Variants in SAMMSON observed in about 807,000 individuals in gnomAD.
The protein encoded by SAMMSON is survival associated mitochondrial melanoma specific oncogenic non-coding RNA.
intron 4 of SAMMSON, among the ~76,000 whole-genome samples, chr3:70,122,238 G>T (rs1375381856): frequency 6.6e-6 from 1 of 152,050 alleles, no homozygotes; most frequent in Non-Finnish European, 1.5e-5. Flanking sequence ...TGTCACCCAG[G>T]CCGGAGTGTA....
intron 2 of SAMMSON, among the ~76,000 whole-genome samples, chr3:70,428,089 GAAATT>G (rs969887307): frequency 9.2e-5 from 14 of 152,192 alleles, no homozygotes; most frequent in African/African-American, 3.1e-4. Flanking sequence ...ACTGCGGAAA[GAAATT>G]AAAGAAAATT....
intron 4 of SAMMSON, among the ~76,000 whole-genome samples, chr3:70,074,379 A>G (rs2067241009): frequency 6.6e-6 from 1 of 152,052 alleles, no homozygotes; most frequent in Non-Finnish European, 1.5e-5. Context: ...ACTTACTTTG[A>G]TTCAAGAGTG....
At chr3:70,344,981 C>T (rs776495077) in intron 7 of SAMMSON, among the ~76,000 whole-genome samples, 15 of 152,118 alleles carry the variant, frequency 9.9e-5, no homozygotes, top group South Asian at 2.1e-4. Flanking sequence ...TGGATGTCAT[C>T]GGTTCTAGAC....
intron 9 of SAMMSON, among the ~76,000 whole-genome samples, chr3:70,379,884 C>T (rs528078488): frequency 1.2e-4 from 18 of 151,688 alleles, no homozygotes; most frequent in Admixed American, 4.6e-4. Context: ...TAAAAATAAA[C>T]GCTAAGAATA....
chr3:70,393,158 A>G (rs1322486251), downstream of SAMMSON, among the ~76,000 whole-genome samples: 3 of 152,176 alleles, frequency 2.0e-5, no homozygotes, highest in Non-Finnish European at 4.4e-5. Context: ...CTTTACTATA[A>G]TATTTTGTGT....
At chr3:70,299,750 A>G (rs559874904) in intron 7 of SAMMSON, among the ~76,000 whole-genome samples, 1 of 152,104 alleles carries the variant, frequency 6.6e-6, no homozygotes, top group South Asian at 2.1e-4. Context: ...CAACTCACAA[A>G]TCTTTTCTAA....
At chr3:70,355,847 C>G (rs1034703353) in intron 8 of SAMMSON, among the ~76,000 whole-genome samples, 1 of 152,112 alleles carries the variant, frequency 6.6e-6, no homozygotes, top group African/African-American at 2.4e-5. Flanking sequence ...GGAACTATTT[C>G]ACTTGTTCCT....
chr3:70,259,882 G>A (rs1165381929), intron 6 of SAMMSON, among the ~76,000 whole-genome samples: 1 of 152,144 alleles, frequency 6.6e-6, no homozygotes, highest in Non-Finnish European at 1.5e-5. Context: ...AGGTGGAGGG[G>A]AAGCAAGGCA....
intron 4 of SAMMSON, among the ~76,000 whole-genome samples, chr3:70,171,602 A>G (rs1700954545): frequency 8.4e-6 from 1 of 119,690 alleles, no homozygotes; most frequent in Non-Finnish European, 1.9e-5. Flanking sequence ...TGTAACTTAA[A>G]AGGCACAGTC....
chr3:70,219,194 A>T (rs538055880), intron 4 of SAMMSON, among the ~76,000 whole-genome samples: 32 of 152,326 alleles, frequency 2.1e-4, no homozygotes, highest in Non-Finnish European at 4.3e-4. Context: ...AAAAACAAGA[A>T]TGCTCACATC....
chr3:70,094,442 T>C (rs1257504598), intron 4 of SAMMSON, among the ~76,000 whole-genome samples: 1 of 152,160 alleles, frequency 6.6e-6, no homozygotes, highest in African/African-American at 2.4e-5. Flanking sequence ...GCTCTTAAGA[T>C]AAAGACAAAA....
At chr3:70,206,850 C>T in intron 4 of SAMMSON, 1 of 396,308 alleles carries the variant, frequency 2.5e-6, no homozygotes, top group Non-Finnish European at 4.5e-6. Flanking sequence ...GACCTAGTGA[C>T]CTAAGAATGC....
chr3:70,075,770 T>C (rs930252446), intron 4 of SAMMSON, among the ~76,000 whole-genome samples: 1 of 152,272 alleles, frequency 6.6e-6, no homozygotes, highest in East Asian at 1.9e-4. Context: ...CGCAGTATAG[T>C]GGATTATGTC....
intron 4 of SAMMSON, among the ~76,000 whole-genome samples, chr3:70,086,208 A>T (rs913743634): frequency 6.6e-6 from 1 of 152,162 alleles, no homozygotes; most frequent in African/African-American, 2.4e-5. Flanking sequence ...CTCAGGGGCC[A>T]TGGCTTGCCT....
chr3:70,116,963 G>A (rs763539373), intron 4 of SAMMSON, among the ~76,000 whole-genome samples: 2 of 152,094 alleles, frequency 1.3e-5, no homozygotes, highest in Non-Finnish European at 2.9e-5. Context: ...TGTTTGACCA[G>A]GTCTGCCTCA....
intron 7 of SAMMSON, among the ~76,000 whole-genome samples, chr3:70,321,356 C>CT (rs1418596188): frequency 6.6e-6 from 1 of 152,004 alleles, no homozygotes; most frequent in African/African-American, 2.4e-5. Context: ...AGTATGTATT[C>CT]TTTTTGCCTA....
intron 4 of SAMMSON, among the ~76,000 whole-genome samples, chr3:70,074,085 C>T (rs1041484758): frequency 6.6e-6 from 1 of 151,772 alleles, no homozygotes; most frequent in African/African-American, 2.4e-5. Context: ...TATACAACAG[C>T]TAAAAAATAG....
chr3:70,085,000 G>A (rs192313254), intron 4 of SAMMSON, among the ~76,000 whole-genome samples: 1 of 152,278 alleles, frequency 6.6e-6, no homozygotes, highest in East Asian at 1.9e-4. Context: ...AAGACTGGGT[G>A]GATGTAGGTG....
chr3:70,094,260 C>G lies in SAMMSON; in HGVS notation n.507+22695C>G, dbSNP rs373077090. Among the ~76,000 whole-genome samples, 36 of 151,936 alleles carry G rather than the reference C, an allele frequency of 2.4e-4. 1 individual carries two copies. In the East Asian group the frequency reaches 3.5e-3, roughly 15 times the overall value. ...CACCACCAGGATCTCATCTAATAGC[C>G]TCATGACATCTGTTCTGAACTCATC... On this transcript the variant is annotated intron_variant and non_coding_transcript_variant, in intron 4 of 9. Coordinates refer to ENST00000642114, the Ensembl canonical transcript of SAMMSON.
Sources: allele counts gnomAD v4.1 joint callset (sites outside exome capture counted in the v4.1 genomes callset), GRCh38; gene constraint gnomAD v4.1.1; transcripts MANE v1.5; gene names NCBI Gene and HGNC (gene_info 2026-07-23, HGNC 2026-07-21).